The following PTPN9 variants were observed in gnomAD, a reference collection of about 807,000 sequenced individuals.
PTPN9 encodes the protein tyrosine-protein phosphatase non-receptor type 9.
In PTPN9, 26 loss-of-function variants were observed where a neutral mutation model predicts 69.8. That is an observed-to-expected ratio of 0.37 (90% confidence interval 0.27 to 0.52). PTPN9 has a LOEUF of 0.52. Among genes scored for constraint, PTPN9 ranks in the 20% least tolerant of loss-of-function variants. PTPN9 has a pLI of 0.91. For missense variants in PTPN9, 549 were observed against 740.3 expected (o/e 0.74, Z 3.00); for synonymous variants, 274 against 272.5 (o/e 1.01, Z -0.05).
chr15:75,564,904 C>T (rs2075120123), intron 1 of PTPN9, among the ~76,000 whole-genome samples: 1 of 151,766 alleles, frequency 6.6e-6, no homozygotes, highest in South Asian at 2.1e-4. Flanking sequence ...GAGTTCGAGA[C>T]CAGCCTGACC....
Position 75,487,080 on chromosome 15 carries a change from C to T in PTPN9, c.1062+3128G>A, listed in dbSNP as rs566375708. ...GATTACAGGTGTGAGCCACCGTGCC[C>T]GGCAAAGTAATGCATATATTAACTA... On this transcript the variant is annotated intron_variant, in intron 8 of 12. Transcript: ENST00000618819. 2.8e-3 allele frequency among the ~76,000 whole-genome samples: 432 copies of T among 152,008 alleles called. 2 individuals are homozygous for T. Among genetic ancestry groups the T allele is most frequent in the African/African-American group, 8.9e-3 (368 of 41,470 alleles).
At chr15:75,477,747 A>G (rs867416234) in intron 9 of PTPN9, among the ~76,000 whole-genome samples, 3 of 151,942 alleles carry the variant, frequency 2.0e-5, no homozygotes, top group Non-Finnish European at 2.9e-5. Context: ...CATGGATACA[A>G]TGTTGGCTAA....
At chr15:75,490,446 A>T in intron 7 of PTPN9, 145 bp from the exon 8 acceptor site, 1 of 628,228 alleles carries the variant, frequency 1.6e-6, no homozygotes, top group East Asian at 2.7e-5. Flanking sequence ...ATACAGTTCC[A>T]TATCATTTAA....
intron 8 of PTPN9, 37 bp from the exon 9 acceptor site, chr15:75,479,951 G>T (rs2074619193): frequency 7.1e-7 from 1 of 1,404,874 alleles, no homozygotes; most frequent in Non-Finnish European, 9.9e-7. Flanking sequence ...TAGCTACACA[G>T]AATACACCAT....
chr15:75,509,006 T>C lies in PTPN9; in HGVS notation c.550A>G (p.Lys184Glu). The C allele has an allele frequency of 1.9e-5, 31 of 1,614,040 alleles. No individual in the cohort carries two copies. The highest frequency in any genetic ancestry group is 2.6e-5 in the Non-Finnish European group (31 of 1,179,968). Residue 184 changes from lysine to glutamate, a missense_variant, in exon 6 of 13, where the codon AAG (lysine) becomes GAG (glutamate). Transcript: ENST00000618819. ...GGTGCCCCCACAATCAGCACCTTCTTCAAACGAGCTGGAAATGCTCCCTGT... is the reference window on the plus strand; with the variant it reads ...GGTGCCCCCACAATCAGCACCTTCTCCAAACGAGCTGGAAATGCTCCCTGT... ...LLKGAFPARL[K>E]KVLIVGAPIW...
chr15:75,521,475 AT>A (rs1045996877), intron 4 of PTPN9, among the ~76,000 whole-genome samples: 7 of 151,508 alleles, frequency 4.6e-5, no homozygotes, highest in African/African-American at 1.7e-4. Flanking sequence ...AATAAAAAAA[AT>A]ATTTTTTTAA....
At chr15:75,556,207 G>A (rs1169409669) in intron 1 of PTPN9, among the ~76,000 whole-genome samples, 1 of 150,850 alleles carries the variant, frequency 6.6e-6, no homozygotes, top group Non-Finnish European at 1.5e-5. Flanking sequence ...GGGATTACAG[G>A]CGCCCACCAC....
chr15:75,536,157 C>T (rs757345225), intron 1 of PTPN9, among the ~76,000 whole-genome samples: 6 of 152,042 alleles, frequency 3.9e-5, no homozygotes, highest in South Asian at 2.1e-4. Context: ...TGTGCACACA[C>T]ACATTTAAAG....
intron 10 of PTPN9, among the ~76,000 whole-genome samples, chr15:75,472,009 T>G (rs1407699039): frequency 6.6e-6 from 1 of 152,160 alleles, no homozygotes; most frequent in Non-Finnish European, 1.5e-5. Context: ...AAGGTAGAAC[T>G]TCTCCCACTA....
chr15:75,476,341 G>A (rs941041355), intron 9 of PTPN9, among the ~76,000 whole-genome samples: 4 of 152,028 alleles, frequency 2.6e-5, no homozygotes, highest in African/African-American at 9.7e-5. Flanking sequence ...TTGAGACCGA[G>A]TATCACTCTG....
At chr15:75,472,779 C>CAAAAA (rs71440239) in intron 10 of PTPN9, among the ~76,000 whole-genome samples, 2 of 136,198 alleles carry the variant, frequency 1.5e-5, no homozygotes, top group Non-Finnish European at 3.1e-5. Flanking sequence ...ACACCATCTC[C>CAAAAA]AAAAAAAAAA....
chr15:75,576,680 C>T (rs186525407), intron 1 of PTPN9, among the ~76,000 whole-genome samples: 2 of 149,836 alleles, frequency 1.3e-5, no homozygotes, highest in Non-Finnish European at 3.0e-5. Context: ...TGGTGGCAGG[C>T]GCCTGTAATC....
chr15:75,508,045 A>G (rs1386588941), intron 6 of PTPN9, among the ~76,000 whole-genome samples: 9 of 150,652 alleles, frequency 6.0e-5, no homozygotes, highest in African/African-American at 2.2e-4. Context: ...CTCTCAAAAA[A>G]AAAAAAAAAA....
At chr15:75,486,115 A>AC (rs2074675623) in intron 8 of PTPN9, among the ~76,000 whole-genome samples, 1 of 151,790 alleles carries the variant, frequency 6.6e-6, no homozygotes. Context: ...AAAAAAAAAA[A>AC]ACAAAACTGA....
chr15:75,464,258 A>G lies in PTPN9; in HGVS notation c.*4511T>C, dbSNP rs1180607631. On this transcript the variant is annotated 3_prime_UTR_variant, in exon 13 of 13. Transcript: ENST00000618819. The stretch of plus-strand genomic sequence containing the variant: ...GCTGGAGTTCGAGACCAGCCTGGGC[A>G]ACATAGTGAGATCCTGTCTCTAGAG... 1.3e-5 allele frequency: 2 copies of G among 152,552 alleles called. No homozygotes were observed. The highest frequency in any genetic ancestry group is 2.4e-5 in the African/African-American group (1 of 41,348). The allele number at this position is 152,552 out of a possible 1,614,324, so 9.4% of individuals were successfully genotyped here. A position where few individuals can be genotyped will look rare whatever the true frequency, so the allele number is the denominator to read the frequency against.
chr15:75,569,888 C>A (rs1370708129), intron 1 of PTPN9, among the ~76,000 whole-genome samples: 1 of 151,934 alleles, frequency 6.6e-6, no homozygotes, highest in Non-Finnish European at 1.5e-5. Context: ...GTGGCGCGAT[C>A]TCAGCTCACA....
intron 5 of PTPN9, among the ~76,000 whole-genome samples, chr15:75,511,870 AT>A (rs11322621): frequency 0.58 from 83,909 of 144,950 alleles, 24,417 homozygotes; most frequent in African/African-American, 0.73. Context: ...TCACTTTAAT[AT>A]TTTTTTTTTT....
At chr15:75,501,440 T>A (rs2141306187) in intron 7 of PTPN9, among the ~76,000 whole-genome samples, 1 of 151,772 alleles carries the variant, frequency 6.6e-6, no homozygotes, top group East Asian at 1.9e-4. Context: ...TTCTTTTTTT[T>A]TTTTCCTCTT....
chr15:75,521,289 CAAAA>C (rs75296706), intron 4 of PTPN9, among the ~76,000 whole-genome samples: 43 of 91,356 alleles, frequency 4.7e-4, no homozygotes, highest in South Asian at 9.6e-4. Context: ...ACTAAAAATA[CAAAA>C]AAAAAAAAAA....
Sources: allele counts gnomAD v4.1 joint callset (sites outside exome capture counted in the v4.1 genomes callset), GRCh38; gene constraint gnomAD v4.1.1; transcripts MANE v1.5; gene names NCBI Gene and HGNC (gene_info 2026-07-23, HGNC 2026-07-21).